Variants in SYNDIG1 observed in about 807,000 individuals in gnomAD.
SYNDIG1 encodes synapse differentiation-inducing gene protein 1.
A neutral mutation model predicts 19.4 loss-of-function variants in SYNDIG1; 9 were observed. That is an observed-to-expected ratio of 0.46 (90% CI 0.28 to 0.81). SYNDIG1 has a LOEUF of 0.81. Ranked by LOEUF, SYNDIG1 falls within the 30% of genes least tolerant of loss-of-function variation. The pLI is 0.12. For synonymous variants in SYNDIG1, 141 were observed against 145.9 expected (o/e 0.97, Z 0.24); for missense variants, 311 against 343.3 (o/e 0.91, Z 0.74).
At chr20:24,562,431 A>T (rs1309144989) in intron 2 of SYNDIG1, among the ~76,000 whole-genome samples, 1 of 152,244 alleles carries the variant, frequency 6.6e-6, no homozygotes. Flanking sequence ...AATTTTCTAT[A>T]TCAAAAATAT....
At chr20:24,586,861 G>A (rs564014441) in intron 3 of SYNDIG1, among the ~76,000 whole-genome samples, 10 of 152,234 alleles carry the variant, frequency 6.6e-5, no homozygotes, top group South Asian at 2.1e-4. Context: ...CTGCTGCTCC[G>A]TGTGTTCAGA....
At chr20:24,663,785 C>A (rs2059624897) in intron 3 of SYNDIG1, among the ~76,000 whole-genome samples, 2 of 152,178 alleles carry the variant, frequency 1.3e-5, no homozygotes, top group South Asian at 4.1e-4. Flanking sequence ...CTTTGCATAG[C>A]CCTGGGGATG....
intron 1 of SYNDIG1, among the ~76,000 whole-genome samples, chr20:24,504,919 A>G (rs1245687534): frequency 6.6e-6 from 1 of 152,190 alleles, no homozygotes; most frequent in Non-Finnish European, 1.5e-5. Flanking sequence ...GGAAGCAACT[A>G]GGAAATCGTT....
rs543015092 is a variant in SYNDIG1 at position 24,484,502 on chromosome 20, G to A, written c.-79+14749G>A. Among the ~76,000 whole-genome samples the A allele has an allele frequency of 9.9e-5, 15 of 152,238 alleles. No homozygotes were observed. The South Asian group carries it at 1.2e-3, about 13-fold the overall frequency. Reference sequence around the variant, plus strand: ...TCAGAGGTCAGGTCACGTCACTGTCGCCACACTCCTTCTGTTCAGGGTGAG... The same window carrying A: ...TCAGAGGTCAGGTCACGTCACTGTCACCACACTCCTTCTGTTCAGGGTGAG... On this transcript the variant is annotated intron_variant, in intron 1 of 3. Transcript: ENST00000376862.
intron 1 of SYNDIG1, among the ~76,000 whole-genome samples, chr20:24,499,648 C>T (rs1371286211): frequency 2.0e-5 from 3 of 152,196 alleles, no homozygotes; most frequent in African/African-American, 7.2e-5. Context: ...CGGTCGGTAC[C>T]TGTCCAGATT....
intron 3 of SYNDIG1, among the ~76,000 whole-genome samples, chr20:24,594,702 C>T (rs61620466): frequency 2.2e-4 from 33 of 152,210 alleles, no homozygotes; most frequent in Non-Finnish European, 4.1e-4. Flanking sequence ...CTGATTTCTT[C>T]GAGCAGCATT....
chr20:24,529,615 C>A (rs534904154), intron 1 of SYNDIG1, among the ~76,000 whole-genome samples: 19 of 152,226 alleles, frequency 1.2e-4, no homozygotes, highest in Non-Finnish European at 7.3e-5. Flanking sequence ...TTCCTATTTT[C>A]TTCAACTACT....
At chr20:24,656,701 T>C (rs2059528957) in intron 3 of SYNDIG1, among the ~76,000 whole-genome samples, 1 of 152,248 alleles carries the variant, frequency 6.6e-6, no homozygotes, top group African/African-American at 2.4e-5. Context: ...CGCTTCCTCC[T>C]GAGCTCTGCG....
At chr20:24,580,130 C>T (rs552664617) in intron 2 of SYNDIG1, among the ~76,000 whole-genome samples, 2 of 152,198 alleles carry the variant, frequency 1.3e-5, no homozygotes, top group African/African-American at 2.4e-5. Flanking sequence ...GTTTTCAGTC[C>T]GCAGATGTAC....
rs531279880 is a variant in SYNDIG1 at position 24,572,634 on chromosome 20, A to G, written c.481-12222A>G. Among the ~76,000 whole-genome samples, 44 of 152,270 alleles carry G rather than the reference A, an allele frequency of 2.9e-4. 1 individual carries two copies. In the South Asian group the frequency reaches 8.7e-3, roughly 30 times the overall value. ...GGTGGAGGACAGGGTTGGGCAGGAT[A>G]TGGGGAGTAGAGATGGCCACTGGCC... On this transcript the variant is annotated intron_variant, in intron 2 of 3. Transcript: ENST00000376862.
chr20:24,515,295 T>TA (rs957832903), intron 1 of SYNDIG1, among the ~76,000 whole-genome samples: 53 of 150,514 alleles, frequency 3.5e-4, no homozygotes, highest in Non-Finnish European at 6.5e-4. Context: ...CTGAAGGAGA[T>TA]AGAGACACAA....
intron 3 of SYNDIG1, among the ~76,000 whole-genome samples, chr20:24,632,035 C>A (rs2059251496): frequency 6.6e-6 from 1 of 152,140 alleles, no homozygotes; most frequent in South Asian, 2.1e-4. Flanking sequence ...GTCCCTGTAG[C>A]CTCATCCTCT....
chr20:24,500,126 T>C (rs2056403511), intron 1 of SYNDIG1, among the ~76,000 whole-genome samples: 1 of 151,640 alleles, frequency 6.6e-6, no homozygotes. Context: ...TTTCTGTGCG[T>C]CTGTGTCGAC....
intron 2 of SYNDIG1, among the ~76,000 whole-genome samples, chr20:24,558,016 G>T (rs538375557): frequency 2.2e-4 from 34 of 152,182 alleles, no homozygotes; most frequent in Non-Finnish European, 4.7e-4. Context: ...ACTAAAGTTA[G>T]GGGTTTATAT....
chr20:24,496,462 G>T (rs1389451421), intron 1 of SYNDIG1, among the ~76,000 whole-genome samples: 2 of 152,184 alleles, frequency 1.3e-5, no homozygotes, highest in East Asian at 3.8e-4. Flanking sequence ...AATTCCTTAA[G>T]ATTTTATCCT....
intron 3 of SYNDIG1, among the ~76,000 whole-genome samples, chr20:24,621,375 G>A (rs927995466): frequency 2.0e-5 from 3 of 152,194 alleles, no homozygotes; most frequent in African/African-American, 7.2e-5. Context: ...TTAGCACATG[G>A]TAAACACCAA....
chr20:24,517,386 C>A (rs911932065), intron 1 of SYNDIG1, among the ~76,000 whole-genome samples: 4 of 150,356 alleles, frequency 2.7e-5, no homozygotes, highest in African/African-American at 9.7e-5. Flanking sequence ...GAGGCCGAGG[C>A]GGGCAGATCA....
Position 24,515,963 on chromosome 20 carries a change from A to C in SYNDIG1, c.-78-27057A>C, listed in dbSNP as rs561086704. Among the ~76,000 whole-genome samples the C allele has an allele frequency of 2.0e-5, 3 of 152,338 alleles. No homozygotes were observed. In the East Asian group the frequency reaches 5.8e-4, roughly 29 times the overall value. On this transcript the variant is annotated intron_variant, in intron 1 of 3. Coordinates refer to ENST00000376862, the MANE Select transcript of SYNDIG1 (RefSeq NM_024893.3). ...ATACTACAAGGCTACAGTAACCAAAACAGCATGGTACTGGTACCAAAACAG... is the reference window on the plus strand; with the variant it reads ...ATACTACAAGGCTACAGTAACCAAACCAGCATGGTACTGGTACCAAAACAG...
At chr20:24,618,016 TGA>T (rs57866597) in intron 3 of SYNDIG1, among the ~76,000 whole-genome samples, 11,413 of 67,842 alleles carry the variant, frequency 0.17, 997 homozygotes, top group African/African-American at 0.24. Context: ...AGGGAGATGC[TGA>T]GAGAGAGCCC....
Sources: gnomAD v4.1 joint callset for allele counts (sites outside exome capture counted in the v4.1 genomes callset) on GRCh38, gnomAD v4.1.1 for gene constraint, MANE v1.5 for transcripts, NCBI Gene and HGNC (gene_info 2026-07-23, HGNC 2026-07-21) for gene names.